LPAR1: variants seen among roughly 807,000 people sequenced by gnomAD.
The protein encoded by LPAR1 is LPA receptor 1.
Under a neutral mutation model 23.8 loss-of-function variants are expected in LPAR1, and 5 were observed. The ratio of observed to expected loss-of-function variants is 0.21; its 90% CI spans 0.11 to 0.44. The LOEUF (loss-of-function observed/expected upper bound fraction) is 0.44, where lower values mean the gene tolerates loss of function less well. LPAR1 is among the 20% of genes least tolerant of loss of function. The pLI, the probability that LPAR1 is intolerant of heterozygous loss-of-function variation, is 0.99. For synonymous variants in LPAR1, 160 were observed against 164.7 expected (o/e 0.97, Z 0.22); for missense variants, 311 against 482.8 (o/e 0.64, Z 3.33).
intron 2 of LPAR1, among the ~76,000 whole-genome samples, chr9:110,983,923 T>C (rs1447947237): frequency 6.6e-6 from 1 of 152,020 alleles, no homozygotes; most frequent in African/African-American, 2.4e-5. Flanking sequence ...AATCAAGCCT[T>C]TGTTTACCTG....
chr9:110,918,385 T>G (rs745577239), intron 5 of LPAR1, among the ~76,000 whole-genome samples: 4 of 152,168 alleles, frequency 2.6e-5, no homozygotes, highest in Non-Finnish European at 5.9e-5. Flanking sequence ...CATTTATATT[T>G]TAACAGTGAG....
intron 5 of LPAR1, among the ~76,000 whole-genome samples, chr9:110,935,108 T>C (rs1027825033): frequency 6.6e-6 from 1 of 152,190 alleles, no homozygotes; most frequent in African/African-American, 2.4e-5. Flanking sequence ...ACCAGTTACC[T>C]TCACAGCCAC....
chr9:110,939,179 G>C (rs1257529810), intron 5 of LPAR1, among the ~76,000 whole-genome samples: 1 of 152,126 alleles, frequency 6.6e-6, no homozygotes, highest in East Asian at 1.9e-4. Flanking sequence ...AATTCAAATA[G>C]GGGAGCATAC....
At chr9:111,031,150 G>A (rs546169020) in intron 2 of LPAR1, among the ~76,000 whole-genome samples, 67 of 152,168 alleles carry the variant, frequency 4.4e-4, no homozygotes, top group African/African-American at 1.6e-3. Flanking sequence ...GTAAATGAAT[G>A]CAGCTACCCT....
intron 5 of LPAR1, among the ~76,000 whole-genome samples, chr9:110,909,683 A>G (rs2092075842): frequency 6.6e-6 from 1 of 152,034 alleles, no homozygotes; most frequent in Non-Finnish European, 1.5e-5. Context: ...TGTTATGGTG[A>G]TCTGTGATCA....
chr9:111,037,187 G>A (rs1043971724), intron 1 of LPAR1, among the ~76,000 whole-genome samples: 2 of 152,218 alleles, frequency 1.3e-5, no homozygotes, highest in African/African-American at 4.8e-5. Context: ...TGAAGGAATA[G>A]AGGATTTCGC....
intron 5 of LPAR1, among the ~76,000 whole-genome samples, chr9:110,915,111 T>C (rs72748149): frequency 2.8e-3 from 419 of 152,360 alleles, no homozygotes; most frequent in Non-Finnish European, 4.4e-3. Flanking sequence ...ACTCCCTGTA[T>C]AATTGTACTC....
At chr9:110,914,686 A>ATCAATTCCTTTAAAACAGCATTTTT (rs2092873964) in intron 5 of LPAR1, among the ~76,000 whole-genome samples, 1 of 152,240 alleles carries the variant, frequency 6.6e-6, no homozygotes, top group Admixed American at 6.5e-5. Flanking sequence ...CGAGGAAGGC[A>ATCAATTCCTTTAAAACAGCATTTTT]GAATGCTGAT....
intron 5 of LPAR1, among the ~76,000 whole-genome samples, chr9:110,934,692 G>A (rs2094582887): frequency 6.6e-6 from 1 of 152,104 alleles, no homozygotes; most frequent in East Asian, 1.9e-4. Context: ...AAATCAAATT[G>A]GTCACCTTAT....
chr9:110,897,616 C>T (rs2086889119), intron 5 of LPAR1, among the ~76,000 whole-genome samples: 1 of 152,176 alleles, frequency 6.6e-6, no homozygotes, highest in African/African-American at 2.4e-5. Flanking sequence ...CATTTGGCTT[C>T]CTCTTCCATA....
intron 5 of LPAR1, among the ~76,000 whole-genome samples, chr9:110,885,856 A>G (rs532803): frequency 0.72 from 109,556 of 151,228 alleles, 40,586 homozygotes; most frequent in African/African-American, 0.77. Flanking sequence ...TGAGGTGAGG[A>G]GTTCGAGACC....
chr9:110,891,164 T>C (rs1036905680), intron 5 of LPAR1, among the ~76,000 whole-genome samples: 1 of 152,192 alleles, frequency 6.6e-6, no homozygotes, highest in African/African-American at 2.4e-5. Flanking sequence ...CTGATAACTA[T>C]TCAATCAACT....
intron 5 of LPAR1, among the ~76,000 whole-genome samples, chr9:110,895,483 C>T (rs7851666): frequency 0.45 from 68,657 of 152,122 alleles, 17,152 homozygotes; most frequent in African/African-American, 0.68. Flanking sequence ...TCTTCTTAGC[C>T]GGGAAACTAG....
intron 5 of LPAR1, among the ~76,000 whole-genome samples, chr9:110,881,937 T>C (rs576849904): frequency 3.3e-4 from 51 of 152,334 alleles, no homozygotes; most frequent in Non-Finnish European, 5.1e-4. Context: ...GCTCCTCATT[T>C]ACGAGGTTCC....
intron 5 of LPAR1, among the ~76,000 whole-genome samples, chr9:110,923,398 T>C (rs2093777119): frequency 6.6e-6 from 1 of 152,138 alleles, no homozygotes; most frequent in Admixed American, 6.5e-5. Context: ...CATACAACCA[T>C]TCTGTTTTTC....
intron 5 of LPAR1, among the ~76,000 whole-genome samples, chr9:110,905,202 C>T (rs904015633): frequency 6.6e-6 from 1 of 152,208 alleles, no homozygotes; most frequent in African/African-American, 2.4e-5. Flanking sequence ...CTCACTTCTT[C>T]CTCAGTTTAC....
chr9:110,938,450 G>A (rs1351965798), intron 5 of LPAR1, among the ~76,000 whole-genome samples: 2 of 152,046 alleles, frequency 1.3e-5, no homozygotes, highest in Non-Finnish European at 1.5e-5. Flanking sequence ...GCACCATGAC[G>A]GTTTACAAAT....
intron 4 of LPAR1, among the ~76,000 whole-genome samples, chr9:110,965,881 C>T (rs1274387661): frequency 2.0e-5 from 3 of 152,160 alleles, no homozygotes; most frequent in African/African-American, 7.2e-5. Context: ...AACCCAGATG[C>T]CCATCAATGA....
At position 110,909,448 on chromosome 9, in the gene LPAR1, C is replaced by G. The variant is rs1022739932; in HGVS notation, c.793+31973G>C. On this transcript the variant is annotated intron_variant, in intron 5 of 5. Coordinates refer to ENST00000683809, the MANE Select transcript of LPAR1 (RefSeq NM_001351411.2). ...AGTGGGCAGCAGGACCTAGACCAAACCCCTGGTGTTTCAGTAACAGTATAA... is the reference window on the plus strand; with the variant it reads ...AGTGGGCAGCAGGACCTAGACCAAAGCCCTGGTGTTTCAGTAACAGTATAA... Among the ~76,000 whole-genome samples the G allele has an allele frequency of 4.6e-5, 7 of 152,278 alleles. No individual in the cohort carries two copies. The Middle Eastern group carries it at 0.017, about 370-fold the overall frequency.
Sources: gnomAD v4.1 joint callset for allele counts (sites outside exome capture counted in the v4.1 genomes callset) on GRCh38, gnomAD v4.1.1 for gene constraint, MANE v1.5 for transcripts, NCBI Gene and HGNC (gene_info 2026-07-23, HGNC 2026-07-21) for gene names.